The following HGF variants were observed in gnomAD, a reference collection of about 807,000 sequenced individuals.
HGF encodes fibroblast-derived tumor cytotoxic factor.
HGF carries 39 observed loss-of-function variants against 111.6 expected under a neutral mutation model. The observed-to-expected ratio is 0.35, with a 90% CI of 0.27 to 0.46. HGF has a LOEUF of 0.46. Among genes scored for constraint, HGF ranks in the 20% least tolerant of loss-of-function variants. HGF has a pLI of 1.00. For synonymous variants in HGF, 285 were observed against 294.8 expected (o/e 0.97, Z 0.34); for missense variants, 735 against 910.5 (o/e 0.81, Z 2.48).
Position 81,744,997 on chromosome 7 carries a change from T to C in HGF, c.746+3A>G, listed in dbSNP as rs1253763715. The C allele has an allele frequency of 1.9e-6, 3 of 1,613,820 alleles. No homozygotes were observed. Among genetic ancestry groups the C allele is most frequent in the African/African-American group, 2.7e-5 (2 of 74,946 alleles). ...CTGAAAGCATGATTCATTAATATTT[T>C]ACCTTTCAGGCAAGAATTTGTGCCG... is the stretch of plus-strand genomic sequence containing the variant. On this transcript the variant is annotated splice_donor_region_variant and intron_variant, in intron 6 of 17. Transcript: ENST00000222390.
rs187698227 is a variant in HGF at position 81,724,006 on chromosome 7, T to A, written c.1168+1884A>T. 7.2e-5 allele frequency among the ~76,000 whole-genome samples: 11 copies of A among 152,182 alleles called. No individual in the cohort carries two copies. In the East Asian group the frequency reaches 2.1e-3, roughly 29 times the overall value. ...ATGAATGATCTGATAAGCAATAACA[T>A]GTTTACCCTCCAGAATCCAAAATTT... On this transcript the variant is annotated intron_variant, in intron 9 of 17. Transcript: ENST00000222390.
intron 6 of HGF, among the ~76,000 whole-genome samples, chr7:81,744,591 T>G (rs2116037777): frequency 6.6e-6 from 1 of 152,318 alleles, no homozygotes; most frequent in African/African-American, 2.4e-5. Context: ...TAATCACAGC[T>G]AAGACTTGTC....
chr7:81,706,519 G>T, intron 14 of HGF, 92 bp from the exon 15 acceptor site: 1 of 1,017,498 alleles, frequency 9.8e-7, no homozygotes, highest in Non-Finnish European at 1.5e-6. Context: ...GACTATTAAG[G>T]CACATAACCT....
At chr7:81,704,246 A>G (rs1196738683) in intron 17 of HGF, among the ~76,000 whole-genome samples, 3 of 151,814 alleles carry the variant, frequency 2.0e-5, no homozygotes, top group African/African-American at 7.2e-5. Flanking sequence ...TGAAAAATAT[A>G]TAGGTGATAA....
chr7:81,752,188 C>T lies in HGF; in HGVS notation c.557G>A (p.Gly186Glu), dbSNP rs778497868. Residue 186 changes from glycine (G) to glutamate (E), a missense_variant, in exon 5 of 18, where the codon GGA (glycine) becomes GAA (glutamate). Physicochemically the swap from Gly to Glu is moderately conservative, Grantham distance 98 (BLOSUM62 -2). Coordinates refer to ENST00000222390, the MANE Select transcript of HGF (RefSeq NM_000601.6). Reference sequence around the variant, plus strand: ...TGGATTGCTTGTGAAACACCAGGGTCCCCCTTCTTCCCCTCGAGGATTTCG... The same window carrying T: ...TGGATTGCTTGTGAAACACCAGGGTTCCCCTTCTTCCCCTCGAGGATTTCG... ...YCRNPRGEEGGPWCFTSNPEV... is the reference protein window; with the variant it reads ...YCRNPRGEEGEPWCFTSNPEV... 11 of 1,613,350 alleles carry T rather than the reference C, an allele frequency of 6.8e-6. No homozygotes were observed. The Admixed American group carries it at 1.3e-4, about 20-fold the overall frequency.
intron 12 of HGF, among the ~76,000 whole-genome samples, chr7:81,710,924 C>A (rs535644936): frequency 6.6e-6 from 1 of 152,196 alleles, no homozygotes; most frequent in African/African-American, 2.4e-5. Context: ...TATTCTAAAT[C>A]AAAAACACTT....
chr7:81,731,878 G>A (rs1257022435), intron 7 of HGF, among the ~76,000 whole-genome samples: 1 of 152,050 alleles, frequency 6.6e-6, no homozygotes, highest in Non-Finnish European at 1.5e-5. Context: ...CAAGCTCTTG[G>A]GCAGCAAACT....
At chr7:81,724,034 A>G (rs888675317) in intron 9 of HGF, among the ~76,000 whole-genome samples, 1 of 152,130 alleles carries the variant, frequency 6.6e-6, no homozygotes, top group African/African-American at 2.4e-5. Context: ...CAAAATTTTC[A>G]TATTCTATTA....
chr7:81,761,890 A>G (rs1295577372), intron 2 of HGF, among the ~76,000 whole-genome samples: 1 of 152,038 alleles, frequency 6.6e-6, no homozygotes, highest in Non-Finnish European at 1.5e-5. Flanking sequence ...AGGAGCGCAC[A>G]CCCTAGATCC....
chr7:81,730,167 G>T (rs1787598794), intron 7 of HGF, among the ~76,000 whole-genome samples: 1 of 152,072 alleles, frequency 6.6e-6, no homozygotes, highest in South Asian at 2.1e-4. Flanking sequence ...CATATATTCT[G>T]GCCAGGTATG....
chr7:81,751,144 A>G, intron 5 of HGF: 1 of 887,104 alleles, frequency 1.1e-6, no homozygotes, highest in Non-Finnish European at 1.4e-6. Flanking sequence ...ATGAATATTT[A>G]TGGAGGAAAT....
intron 3 of HGF, among the ~76,000 whole-genome samples, 189 bp downstream of exon 3, chr7:81,758,503 T>TC (rs1241715706): frequency 6.6e-6 from 1 of 152,008 alleles, no homozygotes; most frequent in African/African-American, 2.4e-5. Flanking sequence ...GAAAATGTTC[T>TC]CCTTAAAGTA....
chr7:81,710,955 A>G (rs1789556718), intron 12 of HGF, among the ~76,000 whole-genome samples: 1 of 152,176 alleles, frequency 6.6e-6, no homozygotes, highest in African/African-American at 2.4e-5. Flanking sequence ...CTTCAGCTCA[A>G]GAGATATGTG....
intron 5 of HGF, chr7:81,750,999 CAG>C (rs1157216804): frequency 4.1e-6 from 4 of 978,050 alleles, no homozygotes; most frequent in South Asian, 4.7e-5. Flanking sequence ...AATTTACAAA[CAG>C]AGATGGAACT....
chr7:81,750,722 G>A (rs995466243), intron 5 of HGF, among the ~76,000 whole-genome samples: 1 of 152,032 alleles, frequency 6.6e-6, no homozygotes, highest in East Asian at 1.9e-4. Context: ...CCAAGGTACC[G>A]GCCTTTGAAA....
chr7:81,743,303 G>A, intron 7 of HGF, 50 bp downstream of exon 7: 1 of 1,033,984 alleles, frequency 9.7e-7, no homozygotes, highest in South Asian at 1.3e-5. Context: ...CGCCTGCTTA[G>A]ATCCAGTCTG....
chr7:81,742,593 A>G, intron 7 of HGF: 2 of 615,862 alleles, frequency 3.2e-6, no homozygotes, highest in Non-Finnish European at 4.3e-6. Flanking sequence ...CAAAGAAATG[A>G]AAACATTATG....
intron 4 of HGF, chr7:81,756,318 T>C: frequency 2.2e-6 from 1 of 451,248 alleles, no homozygotes; most frequent in East Asian, 3.7e-5. Flanking sequence ...CAAGGTACAG[T>C]GCTCAGCAAG....
intron 7 of HGF, among the ~76,000 whole-genome samples, chr7:81,735,445 T>G (rs1164331788): frequency 5.3e-5 from 8 of 152,080 alleles, no homozygotes; most frequent in Non-Finnish European, 1.0e-4. Flanking sequence ...AGATTTTATT[T>G]CTGTGAATCT....
Sources: allele counts gnomAD v4.1 joint callset (sites outside exome capture counted in the v4.1 genomes callset), GRCh38; gene constraint gnomAD v4.1.1; transcripts MANE v1.5; gene names NCBI Gene and HGNC (gene_info 2026-07-23, HGNC 2026-07-21).